Variants in ARFIP1 observed in about 807,000 individuals in gnomAD.
ARFIP1 encodes the protein ARF interacting protein 1, also known as arfaptin-1.
A neutral mutation model predicts 42.5 loss-of-function variants in ARFIP1; 24 were observed. The ratio of observed to expected loss-of-function variants is 0.57; its 90% CI spans 0.41 to 0.80. ARFIP1 has a LOEUF of 0.80. Among genes scored for constraint, ARFIP1 ranks in the 30% least tolerant of loss-of-function variants. ARFIP1 has a pLI of 0.00. For synonymous variants in ARFIP1, 141 were observed against 153.7 expected (o/e 0.92, Z 0.61); for missense variants, 354 against 434.0 (o/e 0.82, Z 1.64).
chr4:152,793,220 A>G (rs72966427), intron 1 of ARFIP1, among the ~76,000 whole-genome samples: 2,120 of 151,810 alleles, frequency 0.014, 27 homozygotes, highest in African/African-American at 0.034. Flanking sequence ...GACCTTTAAG[A>G]AATAAATATG....
intron 2 of ARFIP1, among the ~76,000 whole-genome samples, chr4:152,835,555 A>G (rs113580740): frequency 1.9e-4 from 29 of 152,266 alleles, no homozygotes; most frequent in African/African-American, 6.7e-4. Context: ...CAACCATTTA[A>G]CCAGTCTCTA....
rs1261933356 is a variant in ARFIP1, at chr4:152,911,356, A to G, written c.*1137A>G. On this transcript the variant is annotated 3_prime_UTR_variant, in exon 9 of 9. Transcript: ENST00000353617. ...TTCCTTTTGAGGATTGGGAAAACAG[A>G]AAGATTCTTTGATTTGGGTAATGAA... The G allele has an allele frequency of 1.3e-5, 2 of 152,568 alleles. No individual in the cohort carries two copies. Among genetic ancestry groups the G allele is most frequent in the African/African-American group, 2.4e-5 (1 of 41,462 alleles). The allele number at this position is 152,568 out of a possible 1,614,324, so 9.5% of individuals were successfully genotyped here.
At chr4:152,843,126 G>C (rs62319903) in intron 2 of ARFIP1, among the ~76,000 whole-genome samples, 6,581 of 152,166 alleles carry the variant, frequency 0.043, 175 homozygotes, top group South Asian at 0.11. Flanking sequence ...TGATGTAGTA[G>C]TCTCCCCATT....
chr4:152,886,898 C>T (rs1736308429), intron 7 of ARFIP1, among the ~76,000 whole-genome samples: 1 of 151,920 alleles, frequency 6.6e-6, no homozygotes, highest in Admixed American at 6.6e-5. Context: ...TAAATCTTAA[C>T]TCATACTGCT....
In ARFIP1 at chr4:152,796,321, C is replaced by T. The variant is rs886512903; in HGVS notation, c.-10+16095C>T. 17 of 799,362 alleles carry T rather than the reference C, an allele frequency of 2.1e-5. No individual in the cohort carries two copies. In the African/African-American group the frequency reaches 2.6e-4, roughly 12 times the overall value. The allele number at this position is 799,362 out of a possible 1,614,324, so 49.5% of individuals were successfully genotyped here. A position where few individuals can be genotyped will look rare whatever the true frequency, so the allele number is the denominator to read the frequency against. On this transcript the variant is annotated intron_variant, in intron 1 of 8. Coordinates refer to ENST00000353617, the MANE Select transcript of ARFIP1 (RefSeq NM_001025595.3). Reference sequence around the variant, plus strand: ...CATGGACTTTCTTGAAATGCAAGCCCATTGGCCTGATGAATCTTTCATATT... The same window carrying T: ...CATGGACTTTCTTGAAATGCAAGCCTATTGGCCTGATGAATCTTTCATATT...
rs1187863750 is a variant in ARFIP1 at position 152,870,807 on chromosome 4, G to C, written c.257G>C (p.Ser86Thr). Residue 86 changes from serine (S) to threonine (T), a missense_variant, in exon 4 of 9, where the codon AGT becomes ACT. Coordinates refer to ENST00000353617, the MANE Select transcript of ARFIP1 (RefSeq NM_001025595.3). The stretch of plus-strand genomic sequence containing the variant: ...ATGTCTCCTAGCAGGGTTGCAGCTA[G>C]TCGACTGGCTCAGCAAGGAAGTGAT... Reference protein sequence around the residue: ...SVMSPSRVAASRLAQQGSDLI... With the variant: ...SVMSPSRVAATRLAQQGSDLI... 6.8e-6 allele frequency: 11 copies of C among 1,614,114 alleles called. No homozygotes were observed. Among genetic ancestry groups the C allele is most frequent in the Non-Finnish European group, 9.3e-6 (11 of 1,179,986 alleles).
At chr4:152,909,899 C>G (rs1217735386) in intron 8 of ARFIP1, among the ~76,000 whole-genome samples, 165 bp from the exon 9 acceptor site, 2 of 152,038 alleles carry the variant, frequency 1.3e-5, no homozygotes, top group African/African-American at 4.8e-5. Context: ...GTTCAGTGAC[C>G]CTGCAAGGCA....
At chr4:152,878,924 G>C (rs764962223) in intron 5 of ARFIP1, among the ~76,000 whole-genome samples, 14 of 152,176 alleles carry the variant, frequency 9.2e-5, no homozygotes, top group Non-Finnish European at 1.3e-4. Flanking sequence ...GAAAACCCTG[G>C]TGTGGAAGAA....
intron 1 of ARFIP1, among the ~76,000 whole-genome samples, chr4:152,827,999 A>G (rs1323454192): frequency 1.3e-5 from 2 of 152,226 alleles, no homozygotes; most frequent in African/African-American, 4.8e-5. Flanking sequence ...AGTAATTTGC[A>G]TAAATTTCCT....
chr4:152,796,732 G>C (rs1731492514), intron 1 of ARFIP1: 1 of 801,966 alleles, frequency 1.2e-6, no homozygotes, highest in South Asian at 1.3e-5. Flanking sequence ...TGCCTTCTTT[G>C]AACATTCTTG....
chr4:152,896,740 T>C (rs1285993941), intron 8 of ARFIP1, among the ~76,000 whole-genome samples: 2 of 152,008 alleles, frequency 1.3e-5, no homozygotes, highest in African/African-American at 4.8e-5. Context: ...ATAGGAAAAT[T>C]AAGTTAGCTA....
At chr4:152,865,513 G>T (rs1172376656) in intron 3 of ARFIP1, among the ~76,000 whole-genome samples, 1 of 152,116 alleles carries the variant, frequency 6.6e-6, no homozygotes, top group African/African-American at 2.4e-5. Context: ...TATATTCTCT[G>T]CTATATGGGT....
At chr4:152,805,838 G>A (rs1401756957) in intron 1 of ARFIP1, among the ~76,000 whole-genome samples, 1 of 152,226 alleles carries the variant, frequency 6.6e-6, no homozygotes, top group Non-Finnish European at 1.5e-5. Flanking sequence ...GCTAGTGGAG[G>A]AGCCATGAAT....
At chr4:152,861,858 AATT>A (rs1415395493) in intron 2 of ARFIP1, among the ~76,000 whole-genome samples, 1 of 152,158 alleles carries the variant, frequency 6.6e-6, no homozygotes, top group African/African-American at 2.4e-5. Flanking sequence ...AATTACTCTT[AATT>A]ATTCTAAATT....
chr4:152,879,003 A>T (rs752172314), intron 5 of ARFIP1, among the ~76,000 whole-genome samples: 1 of 148,606 alleles, frequency 6.7e-6, no homozygotes, highest in Non-Finnish European at 1.5e-5. Context: ...TTTCTTGCTG[A>T]TGGTTTTCTT....
At chr4:152,795,316 T>C (rs1219086006) in intron 1 of ARFIP1, among the ~76,000 whole-genome samples, 1 of 152,204 alleles carries the variant, frequency 6.6e-6, no homozygotes, top group Non-Finnish European at 1.5e-5. Flanking sequence ...CACTGTGTCC[T>C]GGAAATCACT....
rs994525873 is a variant in ARFIP1 at position 152,912,019 on chromosome 4, T to C, written c.*1800T>C. 7 of 152,712 alleles carry C rather than the reference T, an allele frequency of 4.6e-5. No homozygotes were observed. The East Asian group carries it at 9.6e-4, about 21-fold the overall frequency. 9.5% of individuals were successfully genotyped at this position (152,712 alleles called of 1,614,324 possible). Reference sequence around the variant, plus strand: ...AAAAAAAAGGTACTTCTGTCACTTATAATTGTTTTAGCTCAGTAAGCTATT... The same window carrying C: ...AAAAAAAAGGTACTTCTGTCACTTACAATTGTTTTAGCTCAGTAAGCTATT... On this transcript the variant is annotated 3_prime_UTR_variant, in exon 9 of 9. Transcript: ENST00000353617.
At chr4:152,892,507 C>T (rs935635702) in intron 8 of ARFIP1, among the ~76,000 whole-genome samples, 1 of 152,150 alleles carries the variant, frequency 6.6e-6, no homozygotes, top group Non-Finnish European at 1.5e-5. Context: ...TAGTAATAAG[C>T]TTTAGCATTT....
intron 8 of ARFIP1, 108 bp from the exon 9 acceptor site, chr4:152,909,956 T>G (rs1738702120): frequency 2.1e-6 from 3 of 1,398,534 alleles, no homozygotes; most frequent in Non-Finnish European, 2.9e-6. Context: ...TTAAGCCAGC[T>G]TTTCTTCAAG....
Sources: gnomAD v4.1 joint callset for allele counts (sites outside exome capture counted in the v4.1 genomes callset) on GRCh38, gnomAD v4.1.1 for gene constraint, MANE v1.5 for transcripts, NCBI Gene and HGNC (gene_info 2026-07-23, HGNC 2026-07-21) for gene names.